RAB11FIP1: variants seen among roughly 807,000 people sequenced by gnomAD.
RAB11FIP1 encodes the protein RAB11 family interacting protein 1.
Under a neutral mutation model 83.1 loss-of-function variants are expected in RAB11FIP1, and 49 were observed. The ratio of observed to expected loss-of-function variants is 0.59; its 90% CI spans 0.47 to 0.75. The LOEUF (loss-of-function observed/expected upper bound fraction) is 0.75. Ranked by LOEUF, RAB11FIP1 falls within the 30% of genes least tolerant of loss-of-function variation. RAB11FIP1 has a pLI of 0.00. For missense variants in RAB11FIP1, 1,536 were observed against 1,598.7 expected, an observed-to-expected ratio of 0.96 and a Z score of 0.67; for synonymous variants, 670 against 656.0, an observed-to-expected ratio of 1.02 and a Z score of -0.33.
rs1396696062 is a variant in RAB11FIP1 at position 37,874,789 on chromosome 8, T to G, written c.1348A>C (p.Ser450Arg). 1 of 1,614,158 alleles carries G rather than the reference T, an allele frequency of 6.2e-7. No homozygotes were observed. The highest frequency in any genetic ancestry group is 1.6e-4 in the Middle Eastern group (1 of 6,062). ...MTGKKDVAKG[S>R]EGENPLTVPG... Reference sequence around the variant, plus strand: ...ACCGTGAGAGGGTTTTCACCTTCACTGCCCTTAGCCACATCCTTCTTCCCC... The same window carrying G: ...ACCGTGAGAGGGTTTTCACCTTCACGGCCCTTAGCCACATCCTTCTTCCCC... The change falls in exon 3 of 6, where the codon AGT becomes CGT. Residue 450 changes from serine to arginine, a missense_variant. By Grantham distance (110) the Ser-to-Arg change is moderately radical. Transcript: ENST00000330843.
rs767007018 is a variant in RAB11FIP1, at chr8:37,872,218, A to G, written c.2584T>C (p.Ser862Pro). ...GGTGTGGTCACCGATTCCCTTTCTG[A>G]GTCCTCTGCGTGGGGAGACTCAGGA... ...EPPESPHAED[S>P]ERESVTTPGP... Residue 862 changes from serine to proline, a missense_variant, in exon 4 of 6, where the codon TCA becomes CCA. Ser to Pro is a moderately conservative substitution (Grantham distance 74, BLOSUM62 -1). Transcript: ENST00000330843. 2 of 1,614,024 alleles carry G rather than the reference A, an allele frequency of 1.2e-6. No homozygotes were observed. Among genetic ancestry groups the G allele is most frequent in the East Asian group, 4.5e-5 (2 of 44,868 alleles).
At position 37,877,110 on chromosome 8, in the gene RAB11FIP1, AT is replaced by A; in HGVS notation, c.812del (p.Asp271ValfsTer16). ...AAGCAGGAAGAGGCAGAAACTCACC[AT>A]CCGAGGCCGAGGAGGACTCATCCTC... ...DNEDESSSAS[D>X]VMSHKRTAST... On this transcript the variant is annotated frameshift_variant and splice_region_variant, in exon 2 of 6. Transcript: ENST00000330843. LOFTEE classifies it high-confidence loss of function. 1 of 1,607,698 alleles carries A rather than the reference AT, an allele frequency of 6.2e-7. No homozygotes were observed. The highest frequency in any genetic ancestry group is 8.5e-7 in the Non-Finnish European group (1 of 1,174,728).
At chr8:37,892,627 A>C (rs557950572) in intron 1 of RAB11FIP1, among the ~76,000 whole-genome samples, 207 of 151,898 alleles carry the variant, frequency 1.4e-3, no homozygotes, top group African/African-American at 4.9e-3. Flanking sequence ...TTGTACTTTT[A>C]GTAGAGCCCA....
intron 1 of RAB11FIP1, among the ~76,000 whole-genome samples, chr8:37,895,435 A>G (rs1807065789): frequency 6.7e-6 from 1 of 149,242 alleles, no homozygotes; most frequent in Admixed American, 6.8e-5. Context: ...CTATCAATCT[A>G]GGGTCCCAAA....
chr8:37,871,059 A>AT (rs1806441949), intron 4 of RAB11FIP1: 1 of 564,682 alleles, frequency 1.8e-6, no homozygotes, highest in Non-Finnish European at 3.0e-6. Context: ...GTGCAGAACA[A>AT]TTCCTAAGCT....
chr8:37,880,761 C>G (rs1240467882), intron 1 of RAB11FIP1, among the ~76,000 whole-genome samples: 1 of 147,424 alleles, frequency 6.8e-6, no homozygotes, highest in Non-Finnish European at 1.5e-5. Context: ...GAGACCCTAT[C>G]CCTTTCAAAA....
chr8:37,887,610 T>C (rs1264318683), intron 1 of RAB11FIP1, among the ~76,000 whole-genome samples: 1 of 152,032 alleles, frequency 6.6e-6, no homozygotes, highest in Non-Finnish European at 1.5e-5. Flanking sequence ...CTTCTTTAAG[T>C]CTTTTTCCCA....
At chr8:37,868,320 G>T (rs1806382589) in intron 5 of RAB11FIP1, among the ~76,000 whole-genome samples, 1 of 151,928 alleles carries the variant, frequency 6.6e-6, no homozygotes, top group Non-Finnish European at 1.5e-5. Flanking sequence ...TACTCTGGAG[G>T]CTGAGGTGGG....
intron 1 of RAB11FIP1, among the ~76,000 whole-genome samples, chr8:37,888,168 G>T (rs866722663): frequency 6.6e-6 from 1 of 152,112 alleles, no homozygotes; most frequent in Non-Finnish European, 1.5e-5. Flanking sequence ...GTGCAGTGGC[G>T]CAATCACAGC....
At chr8:37,877,708 AT>A (rs59670170) in intron 1 of RAB11FIP1, 157 bp from the exon 2 acceptor site, 15,013 of 210,180 alleles carry the variant, frequency 0.071, 13 homozygotes, top group South Asian at 0.13. Flanking sequence ...TGAGAGCAGA[AT>A]TTTTTTTTTT....
chr8:37,881,353 T>C (rs1806730910), intron 1 of RAB11FIP1, among the ~76,000 whole-genome samples: 2 of 152,216 alleles, frequency 1.3e-5, no homozygotes, highest in South Asian at 2.1e-4. Flanking sequence ...CTAATTTATC[T>C]TGGATGGGCC....
intron 1 of RAB11FIP1, among the ~76,000 whole-genome samples, chr8:37,896,578 G>C (rs1362810450): frequency 6.6e-6 from 1 of 152,166 alleles, no homozygotes; most frequent in East Asian, 1.9e-4. Flanking sequence ...ATAGGTGGGA[G>C]TTATTGTATA....
At chr8:37,884,208 G>C (rs1252012620) in intron 1 of RAB11FIP1, among the ~76,000 whole-genome samples, 2 of 151,706 alleles carry the variant, frequency 1.3e-5, no homozygotes, top group Non-Finnish European at 2.9e-5. Context: ...GGGAGTACAG[G>C]CGCACACCAC....
chr8:37,893,562 C>A (rs1478674097), intron 1 of RAB11FIP1, among the ~76,000 whole-genome samples: 1 of 152,114 alleles, frequency 6.6e-6, no homozygotes, highest in Non-Finnish European at 1.5e-5. Context: ...AGCAGGAGGA[C>A]TGCTTGAGCC....
Position 37,874,585 on chromosome 8 carries a change from C to G in RAB11FIP1, c.1552G>C (p.Glu518Gln). 1 of 1,614,216 alleles carries G rather than the reference C, an allele frequency of 6.2e-7. No homozygotes were observed. Among genetic ancestry groups the G allele is most frequent in the Non-Finnish European group, 8.5e-7 (1 of 1,180,042 alleles). ...GGAGGTCTCGGTTCAGACTTGGACT[C>G]TGGCTCAGCTTCTGGTTCTGTGATC... is the stretch of plus-strand genomic sequence containing the variant. ...VQITEPEAEP[E>Q]SKSEPRPPIS... The change falls in exon 3 of 6, where the codon GAG (glutamate) becomes CAG (glutamine). Residue 518 changes from glutamate to glutamine, a missense_variant. Glu to Gln is a conservative substitution (Grantham distance 29). Coordinates refer to ENST00000330843, the MANE Select transcript of RAB11FIP1 (RefSeq NM_001002814.3).
intron 1 of RAB11FIP1, among the ~76,000 whole-genome samples, chr8:37,888,633 C>T (rs1395092163): frequency 6.6e-6 from 1 of 151,924 alleles, no homozygotes; most frequent in East Asian, 1.9e-4. Flanking sequence ...CGTGCACCAC[C>T]ACACTCTGCT....
rs1367212453 is a variant in RAB11FIP1 at position 37,874,642 on chromosome 8, C to T, written c.1495G>A (p.Gly499Ser). Residue 499 changes from glycine (G) to serine (S), a missense_variant, in exon 3 of 6, where the codon GGC becomes AGC. By Grantham distance (56) the Gly-to-Ser change is moderately conservative. Transcript: ENST00000330843. ...KDTAAVVSRQGSSLNLFEDVQ... is the reference protein window; with the variant it reads ...KDTAAVVSRQSSSLNLFEDVQ... ...TCTTCAAAGAGGTTCAGGGAGCTGC[C>T]CTGTCTGGAGACAACAGCTGCAGTA... The T allele has an allele frequency of 1.2e-6, 2 of 1,614,146 alleles. No individual in the cohort carries two copies. Among genetic ancestry groups the T allele is most frequent in the Non-Finnish European group, 1.7e-6 (2 of 1,180,024 alleles).
intron 1 of RAB11FIP1, among the ~76,000 whole-genome samples, chr8:37,888,005 A>T (rs1278330900): frequency 2.0e-5 from 3 of 152,236 alleles, no homozygotes; most frequent in Non-Finnish European, 4.4e-5. Flanking sequence ...AACCACCCTA[A>T]CTTATCGACC....
chr8:37,883,685 C>T (rs1806768165), intron 1 of RAB11FIP1, among the ~76,000 whole-genome samples: 1 of 152,162 alleles, frequency 6.6e-6, no homozygotes. Flanking sequence ...TTTTTCAGTT[C>T]ACTTAATTCC....
Sources: gnomAD v4.1 joint callset for allele counts (sites outside exome capture counted in the v4.1 genomes callset) on GRCh38, gnomAD v4.1.1 for gene constraint, MANE v1.5 for transcripts, NCBI Gene and HGNC (gene_info 2026-07-23, HGNC 2026-07-21) for gene names.